The following WDR36 variants were observed in gnomAD, a reference collection of about 807,000 sequenced individuals.
The protein encoded by WDR36 is WD repeat-containing protein 36.
Under a neutral mutation model 112.7 loss-of-function variants are expected in WDR36, and 63 were observed. That is an observed-to-expected ratio of 0.56 (90% CI 0.46 to 0.69). WDR36 has a LOEUF of 0.69. WDR36 is among the 30% of genes least tolerant of loss of function. The probability of loss-of-function intolerance (pLI) is 0.00; values close to 1 mark genes in which losing one functional copy is unlikely to be tolerated. For missense variants in WDR36, 1,226 were observed against 1,070.3 expected (o/e 1.15, Z -2.03); for synonymous variants, 410 against 362.2 (o/e 1.13, Z -1.50).
chr5:111,118,906 C>T, intron 16 of WDR36, 107 bp from the exon 17 acceptor site: 1 of 857,928 alleles, frequency 1.2e-6, no homozygotes, highest in South Asian at 1.4e-5. Context: ...AAAAAGAAAA[C>T]ATTTTCTGCA....
chr5:111,127,513 ATCT>A lies in WDR36; in HGVS notation c.*634_*636del. The A allele has an allele frequency of 4.8e-6, 1 of 209,082 alleles. No homozygotes were observed. Among genetic ancestry groups the A allele is most frequent in the Non-Finnish European group, 9.8e-6 (1 of 102,542 alleles). 13.0% of individuals were successfully genotyped at this position (209,082 alleles called of 1,614,324 possible). On this transcript the variant is annotated 3_prime_UTR_variant, in exon 23 of 23. Coordinates refer to ENST00000513710, the MANE Select transcript of WDR36 (RefSeq NM_139281.3). The stretch of plus-strand genomic sequence containing the variant: ...CTCAGAGTTGGAGGATAAACTAATC[ATCT>A]TCTAGCACAGCCCTGTTGTGTTGCA...
intron 4 of WDR36, among the ~76,000 whole-genome samples, chr5:111,099,653 CT>C (rs1206393713): frequency 6.6e-6 from 1 of 151,888 alleles, no homozygotes; most frequent in Non-Finnish European, 1.5e-5. Flanking sequence ...GTTACAGGAT[CT>C]GGTTCTTACA....
intron 1 of WDR36, among the ~76,000 whole-genome samples, chr5:111,094,453 A>G (rs897997090): frequency 1.3e-5 from 2 of 152,164 alleles, no homozygotes; most frequent in African/African-American, 4.8e-5. Flanking sequence ...CCCAGGAGTT[A>G]CGAATGATTT....
chr5:111,104,297 C>T lies in WDR36; in HGVS notation c.851C>T (p.Thr284Ile). 6.2e-7 allele frequency: 1 copy of T among 1,612,132 alleles called. No individual in the cohort carries two copies. Among genetic ancestry groups the T allele is most frequent in the Non-Finnish European group, 8.5e-7 (1 of 1,178,578 alleles). ...NAHSTAIAGL[T>I]FLHREPLLVT... ...CACTCTACAGCAATTGCCGGACTGA[C>T]ATTTCTCCATAGAGAGCCACTTCTT... The change falls in exon 8 of 23, where the codon ACA becomes ATA. Residue 284 changes from threonine to isoleucine, a missense_variant. By Grantham distance (89) the Thr-to-Ile change is moderately conservative. Coordinates refer to ENST00000513710, the MANE Select transcript of WDR36 (RefSeq NM_139281.3).
intron 5 of WDR36, among the ~76,000 whole-genome samples, chr5:111,100,929 A>G (rs753087942): frequency 6.6e-6 from 1 of 152,012 alleles, no homozygotes; most frequent in Non-Finnish European, 1.5e-5. Context: ...TAATACAACA[A>G]TAAAACATCA....
At chr5:111,102,007 A>C (rs964470420) in intron 5 of WDR36, among the ~76,000 whole-genome samples, 2 of 151,754 alleles carry the variant, frequency 1.3e-5, no homozygotes, top group South Asian at 2.1e-4. Context: ...AATATAAGTT[A>C]TTCCCTTTCA....
chr5:111,122,502 C>T (rs980506622), intron 19 of WDR36, among the ~76,000 whole-genome samples: 5 of 152,144 alleles, frequency 3.3e-5, no homozygotes, highest in African/African-American at 1.2e-4. Flanking sequence ...TAGATAATTT[C>T]CAGGGCACTG....
At chr5:111,106,576 G>T (rs887177374) in intron 11 of WDR36, among the ~76,000 whole-genome samples, 5 of 151,266 alleles carry the variant, frequency 3.3e-5, no homozygotes, top group Non-Finnish European at 7.4e-5. Context: ...ATAGATAATG[G>T]GTTTGTTGCG....
At chr5:111,100,872 T>C in intron 5 of WDR36, 151 bp downstream of exon 5, 1 of 637,904 alleles carries the variant, frequency 1.6e-6, no homozygotes, top group Non-Finnish European at 2.6e-6. Flanking sequence ...ATCAGAGGAG[T>C]CAATTAACCT....
intron 9 of WDR36, 91 bp from the exon 10 acceptor site, chr5:111,105,204 G>T: frequency 7.3e-7 from 1 of 1,377,824 alleles, no homozygotes; most frequent in South Asian, 1.2e-5. Context: ...GTAACTTCAA[G>T]ATTTTCAAAT....
Position 111,127,444 on chromosome 5 carries a change from C to T in WDR36, c.*561C>T, listed in dbSNP as rs1753697124. 1 of 203,562 alleles carries T rather than the reference C, an allele frequency of 4.9e-6. No individual in the cohort carries two copies. Among genetic ancestry groups the T allele is most frequent in the African/African-American group, 2.3e-5 (1 of 43,758 alleles). 12.6% of individuals were successfully genotyped at this position (203,562 alleles called of 1,614,324 possible). On this transcript the variant is annotated 3_prime_UTR_variant, in exon 23 of 23. Coordinates refer to ENST00000513710, the MANE Select transcript of WDR36 (RefSeq NM_139281.3). ...TGCTGTTATGAAGAAAAAAGGAATG[C>T]TTTTTTCCTCGGTGGCCTTTGATAA...
intron 16 of WDR36, among the ~76,000 whole-genome samples, chr5:111,118,561 A>G (rs977882872): frequency 1.3e-5 from 2 of 152,260 alleles, no homozygotes; most frequent in East Asian, 3.9e-4. Flanking sequence ...TTAAATTACT[A>G]TTCTTATTTA....
Position 111,120,579 on chromosome 5 carries a change from C to A in WDR36, c.1988C>A (p.Thr663Asn), listed in dbSNP as rs748204022. The A allele has an allele frequency of 2.0e-5, 33 of 1,611,456 alleles. No individual in the cohort carries two copies. In the Middle Eastern group the frequency reaches 9.9e-4, roughly 48 times the overall value. ...YVPSIVMLPGTCQTQDVEVSE... is the reference protein window; with the variant it reads ...YVPSIVMLPGNCQTQDVEVSE... Reference sequence around the variant, plus strand: ...CCTTCAATAGTCATGCTTCCTGGTACTTGTCAAACCCAAGGTAATTAGAAA... The same window carrying A: ...CCTTCAATAGTCATGCTTCCTGGTAATTGTCAAACCCAAGGTAATTAGAAA... The change falls in exon 18 of 23, where the codon ACT (threonine) becomes AAT (asparagine). Residue 663 changes from threonine to asparagine, a missense_variant. Thr to Asn is a moderately conservative substitution (Grantham distance 65). Coordinates refer to ENST00000513710, the MANE Select transcript of WDR36 (RefSeq NM_139281.3).
intron 14 of WDR36, 103 bp downstream of exon 14, chr5:111,111,056 A>C (rs1753327517): frequency 1.9e-6 from 3 of 1,557,818 alleles, no homozygotes; most frequent in African/African-American, 2.7e-5. Flanking sequence ...AATAAAGAAC[A>C]ACATTTGGCT....
chr5:111,094,907 C>CT lies in WDR36; in HGVS notation c.163-7dup, dbSNP rs201659734. The CT allele has an allele frequency of 1.7e-3, 2,787 of 1,593,906 alleles. 44 individuals are homozygous for CT. In the African/African-American group the frequency reaches 0.033, roughly 19 times the overall value. ...TGTTAATGAAAATTTAACCTTTTTT[C>CT]TTTTTTAAACAGGTTCAGAAACTTA... On this transcript the variant is annotated splice_polypyrimidine_tract_variant and intron_variant, in intron 1 of 22. Transcript: ENST00000513710.
intron 16 of WDR36, among the ~76,000 whole-genome samples, chr5:111,115,893 C>T (rs1302291850): frequency 1.3e-5 from 2 of 151,964 alleles, no homozygotes; most frequent in Non-Finnish European, 2.9e-5. Context: ...ACTACCACCA[C>T]CTTTTATGTC....
intron 16 of WDR36, 107 bp downstream of exon 16, chr5:111,113,260 C>A: frequency 1.7e-6 from 1 of 604,856 alleles, no homozygotes; most frequent in Non-Finnish European, 2.9e-6. Context: ...TTCAATGTGA[C>A]TATATTTGGA....
chr5:111,100,414 G>T (rs1753099448), intron 4 of WDR36, among the ~76,000 whole-genome samples, 175 bp from the exon 5 acceptor site: 2 of 151,688 alleles, frequency 1.3e-5, no homozygotes, highest in Non-Finnish European at 1.5e-5. Flanking sequence ...TTTACAAGTT[G>T]CCTCTCATTT....
At chr5:111,120,956 T>A (rs764838523) in intron 18 of WDR36, 40 bp from the exon 19 acceptor site, 1 of 1,551,192 alleles carries the variant, frequency 6.4e-7, no homozygotes, top group African/African-American at 1.4e-5. Flanking sequence ...TGCTTTTATA[T>A]GATAAAAATC....
Sources: allele counts gnomAD v4.1 joint callset (sites outside exome capture counted in the v4.1 genomes callset), GRCh38; gene constraint gnomAD v4.1.1; transcripts MANE v1.5; gene names NCBI Gene and HGNC (gene_info 2026-07-23, HGNC 2026-07-21).